Variants in DEPDC5 observed in about 807,000 individuals in gnomAD.
DEPDC5 encodes GATOR1 complex protein DEPDC5.
DEPDC5 carries 73 observed loss-of-function variants against 217.3 expected under a neutral mutation model. The observed-to-expected ratio is 0.34, with a 90% CI of 0.28 to 0.41. The LOEUF is 0.41. Ranked by LOEUF, DEPDC5 falls within the 10% of genes least tolerant of loss-of-function variation. DEPDC5 has a pLI of 1.00. For synonymous variants in DEPDC5, 733 were observed against 756.7 expected (o/e 0.97, Z 0.51); for missense variants, 1,675 against 2,070.1 (o/e 0.81, Z 3.70).
At chr22:31,855,909 A>G (rs1005782931) in intron 31 of DEPDC5, among the ~76,000 whole-genome samples, 1 of 152,174 alleles carries the variant, frequency 6.6e-6, no homozygotes, top group South Asian at 2.1e-4. Flanking sequence ...TCATTGAGTA[A>G]CAAAAGTGTC....
At chr22:31,843,519 G>A in intron 28 of DEPDC5, 126 bp from the exon 29 acceptor site, 1 of 1,143,932 alleles carries the variant, frequency 8.7e-7, no homozygotes, top group Non-Finnish European at 1.2e-6. Flanking sequence ...CCTGGGATAA[G>A]TTGGTTACTA....
At chr22:31,888,901 C>T (rs906592050) in intron 38 of DEPDC5, among the ~76,000 whole-genome samples, 3 of 152,180 alleles carry the variant, frequency 2.0e-5, no homozygotes, top group Non-Finnish European at 2.9e-5. Context: ...ATTTAGAGCA[C>T]CTCTGTCCAA....
chr22:31,804,104 G>A (rs2087197466), intron 15 of DEPDC5, 58 bp from the exon 16 acceptor site: 2 of 1,540,182 alleles, frequency 1.3e-6, no homozygotes. Flanking sequence ...TTTATAGATA[G>A]GGACACTTGT....
chr22:31,783,907 G>C lies in DEPDC5; in HGVS notation c.484G>C (p.Val162Leu). ...MCGYISEDTR[V>L]VFRSTSAMVY... is the part of the protein sequence containing the mutation. The stretch of plus-strand genomic sequence containing the variant: ...TAATACAATTGTGTTTTTATTTCAG[G>C]TGGTGTTTCGTTCTACGTCGGCTAT... The change falls in exon 9 of 43, where the codon GTG becomes CTG. Residue 162 changes from valine to leucine, a missense_variant and splice_region_variant. Val to Leu is a conservative substitution (Grantham distance 32, BLOSUM62 1). Transcript: ENST00000651528. 1 of 1,611,370 alleles carries C rather than the reference G, an allele frequency of 6.2e-7. No individual in the cohort carries two copies. Among genetic ancestry groups the C allele is most frequent in the Non-Finnish European group, 8.5e-7 (1 of 1,179,124 alleles).
chr22:31,900,208 A>G, intron 40 of DEPDC5, among the ~76,000 whole-genome samples: 1 of 151,760 alleles, frequency 6.6e-6, no homozygotes, highest in East Asian at 2.0e-4. Context: ...AACCACGCCC[A>G]GCTAATTTTT....
chr22:31,819,930 C>G (rs548226491), intron 22 of DEPDC5, among the ~76,000 whole-genome samples: 1 of 152,210 alleles, frequency 6.6e-6, no homozygotes, highest in African/African-American at 2.4e-5. Flanking sequence ...TGTTAGGTCT[C>G]TCTGACAACT....
Position 31,810,641 on chromosome 22 carries a change from G to A in DEPDC5, c.1445G>A (p.Arg482Lys). 1 of 1,614,106 alleles carries A rather than the reference G, an allele frequency of 6.2e-7. No homozygotes were observed. Residue 482 changes from arginine (R) to lysine (K), a missense_variant and splice_region_variant, in exon 20 of 43, where the codon AGA becomes AAA. By Grantham distance (26) the Arg-to-Lys change is conservative. Around this residue, in one of 11 missense-constraint regions of DEPDC5, gnomAD observed 628 missense variants for 762.1 expected, o/e 0.82. Transcript: ENST00000651528. ...PSRAQCLTTC[R>K]SVRERESHSR... ...CGGGCCCAGTGCCTCACCACCTGCA[G>A]GTTTTCTGCCAGATTCACTTGGGGG... is the stretch of plus-strand genomic sequence containing the variant.
rs71320909 is a variant in DEPDC5, at chr22:31,852,339, ATT to A, written c.3156-5089_3156-5088del. Among the ~76,000 whole-genome samples, 844 of 125,914 alleles carry A rather than the reference ATT, an allele frequency of 6.7e-3. 4 individuals are homozygous for A. Among genetic ancestry groups the A allele is most frequent in the African/African-American group, 0.02 (666 of 32,658 alleles). The allele number at this position is 125,914 out of a possible 152,430, so 82.6% of individuals were successfully genotyped here. ...TCCTTTTATTTATTTATTTATTACT[ATT>A]TTTTTTTTTTTTTTTTGAGATGGAG... On this transcript the variant is annotated intron_variant, in intron 31 of 42. Coordinates refer to ENST00000651528, the MANE Select transcript of DEPDC5 (RefSeq NM_001242896.3).
intron 37 of DEPDC5, among the ~76,000 whole-genome samples, chr22:31,879,067 T>TACACATATACAC (rs1555918456): frequency 7.5e-6 from 1 of 133,968 alleles, no homozygotes; most frequent in African/African-American, 3.0e-5. Context: ...TATATATATA[T>TACACATATACAC]ACACACACAC....
At chr22:31,824,079 A>G (rs116175417) in intron 24 of DEPDC5, among the ~76,000 whole-genome samples, 5,244 of 152,302 alleles carry the variant, frequency 0.034, 147 homozygotes, top group African/African-American at 0.073. Context: ...TGCTGGGCAC[A>G]GTGGCTCACG....
In DEPDC5 at chr22:31,879,713, C is replaced by T. The variant is rs886039269; in HGVS notation, c.3994C>T (p.Arg1332Ter). Residue 1332 changes from arginine to a stop codon, truncating the protein, a stop_gained, in exon 38 of 43, where the codon CGA (arginine) becomes TGA (stop). Transcript: ENST00000651528. LOFTEE classifies it high-confidence loss of function. ...SYASRHSSFS[R>*]SFGGRSQAAA... ...TGCAAGTAGGCACAGCTCCTTTAGC[C>T]GAAGTTTTGGAGGACGGAGCCAGGC... 1 of 1,614,054 alleles carries T rather than the reference C, an allele frequency of 6.2e-7. No individual in the cohort carries two copies. The highest frequency in any genetic ancestry group is 8.5e-7 in the Non-Finnish European group (1 of 1,180,026).
chr22:31,762,584 T>G (rs2082486779), intron 4 of DEPDC5, among the ~76,000 whole-genome samples: 1 of 152,062 alleles, frequency 6.6e-6, no homozygotes, highest in African/African-American at 2.4e-5. Flanking sequence ...ACCAACATGG[T>G]AAAACCCCGT....
intron 2 of DEPDC5, among the ~76,000 whole-genome samples, chr22:31,755,665 C>G (rs2075264425): frequency 6.6e-6 from 1 of 151,962 alleles, no homozygotes. Flanking sequence ...CAACCTCAAC[C>G]TCCCTAATAG....
At chr22:31,782,016 G>A (rs757778865) in intron 8 of DEPDC5, among the ~76,000 whole-genome samples, 16 of 152,102 alleles carry the variant, frequency 1.1e-4, no homozygotes, top group Non-Finnish European at 1.6e-4. Context: ...GGGAGACAGA[G>A]TGAGACCTTG....
intron 12 of DEPDC5, 51 bp from the exon 13 acceptor site, chr22:31,797,549 C>T: frequency 6.6e-7 from 1 of 1,504,340 alleles, no homozygotes; most frequent in Non-Finnish European, 9.3e-7. Context: ...GGACACAGAG[C>T]CAAACCATAT....
At chr22:31,869,880 G>A (rs925989879) in intron 33 of DEPDC5, among the ~76,000 whole-genome samples, 1 of 152,178 alleles carries the variant, frequency 6.6e-6, no homozygotes, top group African/African-American at 2.4e-5. Flanking sequence ...TGGCTCACAG[G>A]GAGGGTTTTT....
At chr22:31,853,780 G>A (rs534898364) in intron 31 of DEPDC5, among the ~76,000 whole-genome samples, 12 of 152,276 alleles carry the variant, frequency 7.9e-5, no homozygotes, top group Non-Finnish European at 1.5e-4. Flanking sequence ...GGGCTTTTCT[G>A]TTCCTATTAG....
chr22:31,893,618 A>G lies in DEPDC5; in HGVS notation c.4070A>G (p.Asp1357Gly). ...TVPEQRTVTL[D>G]VDVNNRTDRL... is the part of the protein sequence containing the mutation. ...CCAGAGCAGAGGACTGTGACCCTGG[A>G]TGTTGACGTGAACAACCGCACAGAC... Residue 1357 changes from aspartate to glycine, a missense_variant, in exon 39 of 43, where the codon GAT becomes GGT. Asp to Gly is a moderately conservative substitution (Grantham distance 94). Transcript: ENST00000651528. 6.2e-7 allele frequency: 1 copy of G among 1,613,058 alleles called. No homozygotes were observed. Among genetic ancestry groups the G allele is most frequent in the Non-Finnish European group, 8.5e-7 (1 of 1,179,584 alleles).
In DEPDC5 at chr22:31,768,827, C is replaced by T. The variant is rs1017884255; in HGVS notation, c.377C>T (p.Ala126Val). The T allele has an allele frequency of 1.2e-6, 2 of 1,613,526 alleles. No individual in the cohort carries two copies. Among genetic ancestry groups the T allele is most frequent in the Non-Finnish European group, 1.7e-6 (2 of 1,179,842 alleles). ...CCCTCCTCTTAGGTCAGCACATGTG[C>T]CTATATCACCCAGAAGGTGGAGTTT... ...RLKKSLVSTC[A>V]YITQKVEFAG... Residue 126 changes from alanine to valine, a missense_variant, in exon 7 of 43, where the codon GCC becomes GTC. Transcript: ENST00000651528.
Sources: allele counts gnomAD v4.1 joint callset (sites outside exome capture counted in the v4.1 genomes callset), GRCh38; gene constraint gnomAD v4.1.1; regional missense constraint gnomAD v4.1.1; transcripts MANE v1.5; gene names NCBI Gene and HGNC (gene_info 2026-07-23, HGNC 2026-07-21).